The following TMEM229B variants were observed in gnomAD, a reference collection of about 807,000 sequenced individuals.
TMEM229B encodes the protein chromosome 14 open reading frame 83.
Under a neutral mutation model 13.7 loss-of-function variants are expected in TMEM229B, and 6 were observed. The observed-to-expected ratio is 0.44, with a 90% confidence interval of 0.24 to 0.86. The LOEUF is 0.86. Among genes scored for constraint, TMEM229B ranks in the 40% least tolerant of loss-of-function variants. TMEM229B has a pLI of 0.23. For synonymous variants in TMEM229B, 107 were observed against 102.1 expected (o/e 1.05, Z -0.29); for missense variants, 170 against 236.0 (o/e 0.72, Z 1.83).
upstream of TMEM229B, among the ~76,000 whole-genome samples, chr14:67,490,354 T>C (rs145049270): frequency 6.6e-5 from 10 of 152,056 alleles, no homozygotes; most frequent in African/African-American, 2.2e-4. Flanking sequence ...GTTTGCACAA[T>C]ACAGAAGGCA....
Position 67,473,858 on chromosome 14 carries a change from G to C in TMEM229B, c.66C>G (p.Phe22Leu), listed in dbSNP as rs903677194. 1 of 1,612,722 alleles carries C rather than the reference G, an allele frequency of 6.2e-7. No homozygotes were observed. Among genetic ancestry groups the C allele is most frequent in the Non-Finnish European group, 8.5e-7 (1 of 1,179,498 alleles). Residue 22 changes from phenylalanine (F) to leucine (L), a missense_variant, in exon 3 of 3, where the codon TTC becomes TTG. This residue lies in a region of TMEM229B where 36 missense variants were observed against 83.8 expected (regional missense o/e 0.43). Coordinates refer to ENST00000554480, the MANE Select transcript of TMEM229B (RefSeq NM_001348543.2). The surrounding 1 kb of genome is among the most constrained non-coding windows in gnomAD (Gnocchi z 6.5). ...AGGCCGCTGTGAACATCACCTCGCAGAAGTAGCCGTGGATGGCATACAGGT... is the reference window on the plus strand; with the variant it reads ...AGGCCGCTGTGAACATCACCTCGCACAAGTAGCCGTGGATGGCATACAGGT... Reference protein sequence around the residue: ...RWYLYAIHGYFCEVMFTAAWE... With the variant: ...RWYLYAIHGYLCEVMFTAAWE...
rs10139090 is a variant in TMEM229B at position 67,471,093 on chromosome 14, G to C, written c.*2327C>G. ...CTTATGAGGGGCAACTGGAGAAATG[G>C]GACACCTAGATGGAGCAGAAACACA... On this transcript the variant is annotated 3_prime_UTR_variant, in exon 3 of 3. Coordinates refer to ENST00000554480, the MANE Select transcript of TMEM229B (RefSeq NM_001348543.2). The C allele has an allele frequency of 0.14, 21,506 of 152,254 alleles. 1,725 individuals carry two copies. Among genetic ancestry groups the C allele is most frequent in the African/African-American group, 0.21 (8,839 of 41,462 alleles). 9.4% of individuals were successfully genotyped at this position (152,254 alleles called of 1,614,324 possible).
intron 1 of TMEM229B, among the ~76,000 whole-genome samples, chr14:67,498,957 C>T (rs558207882): frequency 1.3e-5 from 2 of 150,094 alleles, no homozygotes; most frequent in Admixed American, 1.3e-4. Context: ...GCAGGAGCCA[C>T]TGAGCCCAGA....
intron 1 of TMEM229B, among the ~76,000 whole-genome samples, chr14:67,527,593 C>G (rs545049142): frequency 1.3e-5 from 2 of 152,176 alleles, no homozygotes; most frequent in African/African-American, 4.8e-5. Flanking sequence ...GCTGTGTCCC[C>G]GGTGTGTTTT....
chr14:67,480,390 T>G (rs1482440056), intron 2 of TMEM229B, among the ~76,000 whole-genome samples: 1 of 151,952 alleles, frequency 6.6e-6, no homozygotes, highest in African/African-American at 2.4e-5. Context: ...AGACTGAAGG[T>G]GAGCCTCCAG....
intron 2 of TMEM229B, among the ~76,000 whole-genome samples, chr14:67,486,243 A>G (rs1012043341): frequency 2.6e-5 from 4 of 152,158 alleles, no homozygotes; most frequent in African/African-American, 4.8e-5. Context: ...TGTTCTTGTG[A>G]TAGTGAATAA....
chr14:67,489,302 C>T (rs559752375), upstream of TMEM229B, among the ~76,000 whole-genome samples: 2 of 152,320 alleles, frequency 1.3e-5, no homozygotes, highest in East Asian at 3.9e-4. Flanking sequence ...CACCCTGTCC[C>T]CATACAATGT....
chr14:67,479,141 G>T (rs2031417247), intron 2 of TMEM229B, among the ~76,000 whole-genome samples: 1 of 152,166 alleles, frequency 6.6e-6, no homozygotes, highest in Admixed American at 6.5e-5. Flanking sequence ...GGACGTGGTG[G>T]CTCACCCTGT....
intron 2 of TMEM229B, among the ~76,000 whole-genome samples, chr14:67,479,410 CAA>C (rs149239926): frequency 8.7e-5 from 11 of 125,878 alleles, no homozygotes; most frequent in Admixed American, 2.5e-4. Context: ...GACTCTGTCT[CAA>C]AAAAAAAAAA....
At chr14:67,531,931 A>AG (rs1342752857) in intron 1 of TMEM229B, among the ~76,000 whole-genome samples, 1 of 144,156 alleles carries the variant, frequency 6.9e-6, no homozygotes, top group Non-Finnish European at 1.5e-5. Flanking sequence ...AAAAAAAAAA[A>AG]GTGAATGAAT....
intron 1 of TMEM229B, among the ~76,000 whole-genome samples, chr14:67,525,067 T>G (rs756371330): frequency 2.2e-4 from 33 of 152,178 alleles, no homozygotes; most frequent in Non-Finnish European, 4.4e-4. Context: ...TTTAAAACAT[T>G]TTAATAGCTT....
At chr14:67,502,746 C>A (rs1480681826) in intron 1 of TMEM229B, among the ~76,000 whole-genome samples, 1 of 151,928 alleles carries the variant, frequency 6.6e-6, no homozygotes, top group Non-Finnish European at 1.5e-5. Context: ...GCCACCGCGC[C>A]GGGCCCCAGA....
At chr14:67,510,454 T>C (rs1295927882) in intron 1 of TMEM229B, among the ~76,000 whole-genome samples, 1 of 152,194 alleles carries the variant, frequency 6.6e-6, no homozygotes, top group Non-Finnish European at 1.5e-5. Context: ...CAGCTGGTGA[T>C]TTAATAAGCA....
At chr14:67,483,081 G>A (rs2031680735) in intron 2 of TMEM229B, among the ~76,000 whole-genome samples, 1 of 152,068 alleles carries the variant, frequency 6.6e-6, no homozygotes, top group African/African-American at 2.4e-5. Flanking sequence ...TGTGAACTTG[G>A]CTCACTGCAA....
intron 2 of TMEM229B, among the ~76,000 whole-genome samples, chr14:67,480,809 T>C (rs2031539670): frequency 6.6e-6 from 1 of 152,220 alleles, no homozygotes; most frequent in South Asian, 2.1e-4. Flanking sequence ...AACCCTGCTC[T>C]TCTTGCCTCT....
rs1387147220 is a variant in TMEM229B, at chr14:67,496,387, CG to C, written c.-191-9216del. 3.0e-4 allele frequency among the ~76,000 whole-genome samples: 18 copies of C among 59,974 alleles called. No individual in the cohort carries two copies. In the Admixed American group the frequency reaches 4.1e-3, roughly 14 times the overall value. The allele number at this position is 59,974 out of a possible 152,430, so 39.3% of individuals were successfully genotyped here. ...GGATTACAGGTGTGAGCCACTGCTC[CG>C]GCGTTTTTTTTTTTTTTTTTTTTTT... On this transcript the variant is annotated intron_variant, in intron 1 of 2. Transcript: ENST00000357461.
At chr14:67,527,506 G>A (rs1445658617) in intron 1 of TMEM229B, among the ~76,000 whole-genome samples, 1 of 152,142 alleles carries the variant, frequency 6.6e-6, no homozygotes, top group East Asian at 1.9e-4. Context: ...CAATAAATAT[G>A]GCTTTAAATG....
At chr14:67,500,326 T>G (rs535664746) in intron 1 of TMEM229B, among the ~76,000 whole-genome samples, 57 of 151,620 alleles carry the variant, frequency 3.8e-4, no homozygotes, top group African/African-American at 1.2e-3. Flanking sequence ...ATACAAAAAT[T>G]AGCTGGGCAT....
At chr14:67,499,921 C>T (rs141475642) in intron 1 of TMEM229B, among the ~76,000 whole-genome samples, 66 of 152,178 alleles carry the variant, frequency 4.3e-4, no homozygotes, top group African/African-American at 1.4e-3. Context: ...CTGGGGGCTG[C>T]GGATTAAGGA....
Sources: gnomAD v4.1 joint callset for allele counts (sites outside exome capture counted in the v4.1 genomes callset) on GRCh38, gnomAD v4.1.1 for gene constraint, gnomAD v4.1.1 regional missense constraint, Gnocchi (gnomAD v3.1) non-coding constraint, MANE v1.5 for transcripts, NCBI Gene and HGNC (gene_info 2026-07-23, HGNC 2026-07-21) for gene names.